The following EPB41L2 variants were observed in gnomAD, a reference collection of about 807,000 sequenced individuals.
The protein encoded by EPB41L2 is erythrocyte membrane protein band 4.1 like 2.
Under a neutral mutation model 113.0 loss-of-function variants are expected in EPB41L2, and 43 were observed. That is an observed-to-expected ratio of 0.38 (90% CI 0.30 to 0.49). The LOEUF (loss-of-function observed/expected upper bound fraction) is 0.49, where lower values mean the gene tolerates loss of function less well. EPB41L2 is among the 20% of genes least tolerant of loss of function. The pLI is 0.95. For missense variants in EPB41L2, 1,147 were observed against 1,223.4 expected, an observed-to-expected ratio of 0.94 and a Z score of 0.93; for synonymous variants, 442 against 436.7, an observed-to-expected ratio of 1.01 and a Z score of -0.15.
chr6:130,960,990 C>T lies in EPB41L2; in HGVS notation c.-14-4491G>A, dbSNP rs573046228. On this transcript the variant is annotated intron_variant, in intron 1 of 19. Transcript: ENST00000337057. ...ACTTACTAAATGAGTATTGTTCAAT[C>T]ATCTAGTCTAATATCCTCACTTTAT... Among the ~76,000 whole-genome samples the T allele has an allele frequency of 3.3e-5, 5 of 152,286 alleles. No individual in the cohort carries two copies. In the South Asian group the frequency reaches 1.0e-3, roughly 32 times the overall value.
chr6:130,958,884 T>C (rs1165810312), intron 1 of EPB41L2, among the ~76,000 whole-genome samples: 1 of 152,092 alleles, frequency 6.6e-6, no homozygotes, highest in Non-Finnish European at 1.5e-5. Flanking sequence ...AGAGGAGAAA[T>C]GTAATAAGAT....
At chr6:130,908,716 T>C (rs1251850925) in intron 5 of EPB41L2, 105 bp downstream of exon 5, 3 of 795,758 alleles carry the variant, frequency 3.8e-6, no homozygotes, top group East Asian at 2.7e-5. Flanking sequence ...ACTTCTAAGA[T>C]GGCATAAATG....
At chr6:130,979,531 A>T (rs2128671929) in intron 1 of EPB41L2, among the ~76,000 whole-genome samples, 1 of 150,770 alleles carries the variant, frequency 6.6e-6, no homozygotes, top group South Asian at 2.1e-4. Context: ...GGTTAAGATG[A>T]TGTTCCAGGG....
At chr6:130,842,463 G>C (rs1056884672) in intron 19 of EPB41L2, among the ~76,000 whole-genome samples, 5 of 151,994 alleles carry the variant, frequency 3.3e-5, no homozygotes, top group Non-Finnish European at 7.4e-5. Flanking sequence ...TTCAGAGCTG[G>C]TATTTCCATT....
At chr6:131,040,206 G>A (rs955928929) in intron 1 of EPB41L2, among the ~76,000 whole-genome samples, 5 of 152,190 alleles carry the variant, frequency 3.3e-5, no homozygotes, top group African/African-American at 1.2e-4. Context: ...GGGTGGCCAA[G>A]GCAGGCAGAT....
chr6:130,993,232 C>T (rs760151573), intron 1 of EPB41L2, among the ~76,000 whole-genome samples: 18 of 152,046 alleles, frequency 1.2e-4, no homozygotes, highest in Non-Finnish European at 2.6e-4. Context: ...TGTTACCGCA[C>T]AGAGAGAAAT....
At chr6:130,900,777 G>A (rs534566913) in intron 7 of EPB41L2, among the ~76,000 whole-genome samples, 185 bp downstream of exon 7, 9 of 152,272 alleles carry the variant, frequency 5.9e-5, no homozygotes, top group East Asian at 3.9e-4. Context: ...TTTCTCAGAC[G>A]GTAGTTATAA....
In EPB41L2 at chr6:130,880,126, T is replaced by G. The variant is rs1357552014; in HGVS notation, c.1896+18A>C. On this transcript the variant is annotated intron_variant, in intron 13 of 19. Transcript: ENST00000337057. ...GGGCAGCCATTAGGACAGAGTTGTT[T>G]TCTTAGATTATACAAACCTCCAACA... The G allele has an allele frequency of 2.5e-6, 4 of 1,585,716 alleles. No homozygotes were observed. In the African/African-American group the frequency reaches 5.4e-5, roughly 21 times the overall value.
chr6:130,926,206 C>T (rs1053527563), intron 4 of EPB41L2, among the ~76,000 whole-genome samples: 1 of 152,166 alleles, frequency 6.6e-6, no homozygotes. Flanking sequence ...GGTGACTGCA[C>T]AATATGAGCA....
At chr6:130,925,221 C>T (rs1804296979) in intron 4 of EPB41L2, among the ~76,000 whole-genome samples, 2 of 137,110 alleles carry the variant, frequency 1.5e-5, no homozygotes, top group South Asian at 2.3e-4. Context: ...CAGAGTCTCA[C>T]TCTGTCATCC....
At chr6:130,934,988 G>A (rs1219153691) in intron 3 of EPB41L2, among the ~76,000 whole-genome samples, 1 of 152,006 alleles carries the variant, frequency 6.6e-6, no homozygotes, top group Non-Finnish European at 1.5e-5. Context: ...GGAAGGGAGG[G>A]AGAAAGGAAA....
At chr6:130,966,396 A>T (rs746363959) in intron 1 of EPB41L2, among the ~76,000 whole-genome samples, 2 of 152,252 alleles carry the variant, frequency 1.3e-5, no homozygotes, top group Non-Finnish European at 2.9e-5. Context: ...TTCAGACGGT[A>T]TAAGTGATAG....
At chr6:131,004,132 A>C (rs538836250) in intron 1 of EPB41L2, among the ~76,000 whole-genome samples, 1 of 152,302 alleles carries the variant, frequency 6.6e-6, no homozygotes, top group African/African-American at 2.4e-5. Context: ...GCCTATCTAT[A>C]GACAGTCCCT....
At chr6:130,979,662 A>G (rs1239433273) in intron 1 of EPB41L2, among the ~76,000 whole-genome samples, 16 of 152,186 alleles carry the variant, frequency 1.1e-4, no homozygotes, top group African/African-American at 3.9e-4. Context: ...AATGAAAAAT[A>G]AAGCTCCCAA....
chr6:130,928,631 C>A (rs1805621410), intron 3 of EPB41L2, among the ~76,000 whole-genome samples: 1 of 152,206 alleles, frequency 6.6e-6, no homozygotes, highest in Non-Finnish European at 1.5e-5. Flanking sequence ...TAGGAACATG[C>A]CCTCATGGGC....
chr6:130,909,997 T>C (rs566216685), intron 4 of EPB41L2, among the ~76,000 whole-genome samples: 3 of 152,238 alleles, frequency 2.0e-5, no homozygotes, highest in Admixed American at 6.5e-5. Flanking sequence ...CAAGCTACCA[T>C]TGACTTTCTT....
intron 1 of EPB41L2, among the ~76,000 whole-genome samples, chr6:131,001,064 C>T (rs903957262): frequency 6.6e-6 from 1 of 152,056 alleles, no homozygotes; most frequent in Non-Finnish European, 1.5e-5. Context: ...ACACAAGAAA[C>T]TTTCTGCCAA....
chr6:130,898,690 G>A (rs1021231429), intron 8 of EPB41L2, among the ~76,000 whole-genome samples: 18 of 151,886 alleles, frequency 1.2e-4, no homozygotes, highest in African/African-American at 4.1e-4. Flanking sequence ...TTAGTATACC[G>A]AACGTTTATG....
At chr6:130,867,972 A>ACT (rs147376370) in intron 15 of EPB41L2, 132 of 75,530 alleles carry the variant, frequency 1.7e-3, no homozygotes, top group African/African-American at 3.4e-3. Context: ...ACACACACAC[A>ACT]CTCTCTCTCT....
Sources: allele counts gnomAD v4.1 joint callset (sites outside exome capture counted in the v4.1 genomes callset), GRCh38; gene constraint gnomAD v4.1.1; transcripts MANE v1.5; gene names NCBI Gene and HGNC (gene_info 2026-07-23, HGNC 2026-07-21).